Variants in RGS7 observed in about 807,000 individuals in gnomAD.
RGS7 encodes the protein regulator of G-protein signaling 7.
A neutral mutation model predicts 81.1 loss-of-function variants in RGS7; 27 were observed. The observed-to-expected ratio is 0.33, with a 90% CI of 0.25 to 0.46. The LOEUF (loss-of-function observed/expected upper bound fraction) is 0.46. Ranked by LOEUF, RGS7 falls within the 20% of genes least tolerant of loss-of-function variation. The pLI is 1.00. For missense variants in RGS7, 396 were observed against 607.4 expected (o/e 0.65, Z 3.66); for synonymous variants, 208 against 207.7 (o/e 1.00, Z -0.01).
At chr1:241,301,358 C>T (rs2079744876) in intron 2 of RGS7, among the ~76,000 whole-genome samples, 1 of 152,238 alleles carries the variant, frequency 6.6e-6, no homozygotes, top group African/African-American at 2.4e-5. Context: ...TTCTCAAATT[C>T]CCTGCTTAGG....
intron 2 of RGS7, among the ~76,000 whole-genome samples, chr1:241,224,103 T>C (rs2075173344): frequency 2.0e-5 from 3 of 151,874 alleles, no homozygotes; most frequent in Admixed American, 1.3e-4. Flanking sequence ...CTTTAATTTA[T>C]TTTTTAATTA....
At chr1:241,168,147 C>G (rs1041190509) in intron 2 of RGS7, among the ~76,000 whole-genome samples, 21 of 152,300 alleles carry the variant, frequency 1.4e-4, no homozygotes, top group South Asian at 2.1e-4. Flanking sequence ...ACAATAGGCT[C>G]TGCTGTGTTA....
intron 2 of RGS7, among the ~76,000 whole-genome samples, chr1:241,241,325 T>C (rs1036739838): frequency 2.0e-5 from 3 of 151,982 alleles, no homozygotes; most frequent in Admixed American, 1.3e-4. Flanking sequence ...AATGTAATTG[T>C]GGTTTTTGCA....
chr1:241,079,388 C>A (rs1251716703), intron 3 of RGS7, among the ~76,000 whole-genome samples: 1 of 151,928 alleles, frequency 6.6e-6, no homozygotes, highest in Non-Finnish European at 1.5e-5. Context: ...GTGCTTAAAG[C>A]CGTTATTAAG....
chr1:241,050,108 C>T lies in RGS7; in HGVS notation c.175+48558G>A, dbSNP rs150788773. Among the ~76,000 whole-genome samples the T allele has an allele frequency of 8.6e-4, 131 of 152,290 alleles. 2 individuals are homozygous for T. The East Asian group carries it at 0.022, about 26-fold the overall frequency. On this transcript the variant is annotated intron_variant, in intron 3 of 18. Transcript: ENST00000440928. ...ACCAAGCATCTTTGCCCCCAATTCT[C>T]GCACACACTGTTAGAATCCAGAAAT...
At chr1:241,122,719 G>A (rs2066376843) in intron 2 of RGS7, among the ~76,000 whole-genome samples, 1 of 150,248 alleles carries the variant, frequency 6.7e-6, no homozygotes, top group African/African-American at 2.4e-5. Context: ...GCTTAGTCTA[G>A]TCTTACCTTA....
At chr1:241,227,734 C>T (rs1294905264) in intron 2 of RGS7, among the ~76,000 whole-genome samples, 1 of 150,718 alleles carries the variant, frequency 6.6e-6, no homozygotes, top group Non-Finnish European at 1.5e-5. Context: ...GGTAACACAG[C>T]AAGACCTTGT....
intron 9 of RGS7, among the ~76,000 whole-genome samples, chr1:240,864,729 G>A (rs1662907459): frequency 6.6e-6 from 1 of 152,178 alleles, no homozygotes; most frequent in Non-Finnish European, 1.5e-5. Flanking sequence ...CTTAAGTCAA[G>A]GTCAGACTAT....
At chr1:241,044,089 A>G (rs2060775423) in intron 3 of RGS7, among the ~76,000 whole-genome samples, 1 of 148,320 alleles carries the variant, frequency 6.7e-6, no homozygotes, top group East Asian at 2.0e-4. Context: ...GTTTGAATTA[A>G]TTTCTTTCTT....
intron 2 of RGS7, among the ~76,000 whole-genome samples, chr1:241,238,619 C>T (rs1331947257): frequency 2.0e-5 from 3 of 152,174 alleles, no homozygotes; most frequent in African/African-American, 4.8e-5. Flanking sequence ...ACCGTAGCCT[C>T]GAACTCCTGG....
At chr1:241,101,907 G>C (rs983475325) in intron 2 of RGS7, among the ~76,000 whole-genome samples, 7 of 152,246 alleles carry the variant, frequency 4.6e-5, no homozygotes, top group African/African-American at 1.7e-4. Flanking sequence ...GTAGCTATGA[G>C]TGGCAGTGTT....
chr1:241,142,066 C>A (rs2103087295), intron 2 of RGS7, among the ~76,000 whole-genome samples: 1 of 152,360 alleles, frequency 6.6e-6, no homozygotes, highest in South Asian at 2.1e-4. Context: ...CCAAAATGAT[C>A]TCCTTTGACT....
intron 3 of RGS7, among the ~76,000 whole-genome samples, chr1:241,029,345 T>C (rs2059954256): frequency 1.3e-5 from 2 of 152,184 alleles, no homozygotes; most frequent in Admixed American, 6.5e-5. Flanking sequence ...TGTAATTATA[T>C]TCATTCATTT....
chr1:241,269,844 G>A (rs1009562792), intron 2 of RGS7, among the ~76,000 whole-genome samples: 1 of 152,166 alleles, frequency 6.6e-6, no homozygotes, highest in Non-Finnish European at 1.5e-5. Flanking sequence ...CAACACAAGA[G>A]CAAGTCCTTC....
chr1:241,113,143 A>G (rs1256411213), intron 2 of RGS7, among the ~76,000 whole-genome samples: 2 of 152,194 alleles, frequency 1.3e-5, no homozygotes, highest in Non-Finnish European at 1.5e-5. Context: ...GCTCTTTTAT[A>G]TCCACCACAA....
intron 2 of RGS7, among the ~76,000 whole-genome samples, chr1:241,346,160 T>C (rs1183915883): frequency 2.3e-5 from 3 of 131,802 alleles, no homozygotes; most frequent in East Asian, 2.3e-4. Flanking sequence ...TAAAAAAAAC[T>C]GTCAACAGAA....
intron 4 of RGS7, among the ~76,000 whole-genome samples, chr1:240,969,639 A>G (rs1052464989): frequency 6.6e-6 from 1 of 152,264 alleles, no homozygotes; most frequent in African/African-American, 2.4e-5. Context: ...CAATCAGATA[A>G]AAATGAGAGA....
intron 3 of RGS7, among the ~76,000 whole-genome samples, chr1:241,065,231 TATATATTAAAAG>T (rs1188365750): frequency 1.4e-4 from 20 of 142,012 alleles, no homozygotes; most frequent in Admixed American, 2.8e-4. Context: ...TATCTTTTAA[TATATATTAAAAG>T]ATATATTAAA....
intron 2 of RGS7, among the ~76,000 whole-genome samples, chr1:241,181,137 G>A (rs1048629527): frequency 1.4e-4 from 21 of 152,182 alleles, no homozygotes; most frequent in African/African-American, 3.4e-4. Flanking sequence ...GTGGACACAC[G>A]TCAGTGTAAA....
Sources: gnomAD v4.1 joint callset for allele counts (sites outside exome capture counted in the v4.1 genomes callset) on GRCh38, gnomAD v4.1.1 for gene constraint, MANE v1.5 for transcripts, NCBI Gene and HGNC (gene_info 2026-07-23, HGNC 2026-07-21) for gene names.